PTBP3: variants seen among roughly 807,000 people sequenced by gnomAD.
PTBP3 encodes polypyrimidine tract binding protein 3.
A neutral mutation model predicts 58.7 loss-of-function variants in PTBP3; 20 were observed. That is an observed-to-expected ratio of 0.34 (90% CI 0.24 to 0.50). PTBP3 has a LOEUF of 0.50. Among genes scored for constraint, PTBP3 ranks in the 20% least tolerant of loss-of-function variants. PTBP3 has a pLI of 0.98. For missense variants in PTBP3, 509 were observed against 637.2 expected (o/e 0.80, Z 2.17); for synonymous variants, 185 against 219.8 (o/e 0.84, Z 1.40).
intron 7 of PTBP3, among the ~76,000 whole-genome samples, chr9:112,248,434 A>C (rs1835971592): frequency 6.6e-6 from 1 of 152,172 alleles, no homozygotes; most frequent in Non-Finnish European, 1.5e-5. Flanking sequence ...TACAGTGTAC[A>C]CTGCTTGGGT....
the PTBP3 span, among the ~76,000 whole-genome samples, chr9:112,358,206 A>C: frequency 6.6e-6 from 1 of 152,146 alleles, no homozygotes; most frequent in Non-Finnish European, 1.5e-5. Context: ...ACTACCCAGG[A>C]GGCTGAGGCA....
intron 7 of PTBP3, among the ~76,000 whole-genome samples, chr9:112,243,187 A>G (rs1158850896): frequency 6.6e-6 from 1 of 151,008 alleles, no homozygotes; most frequent in Non-Finnish European, 1.5e-5. Flanking sequence ...TTCTTTTCCC[A>G]TTTCTATATT....
At chr9:112,288,075 T>C (rs1376550882) in intron 2 of PTBP3, among the ~76,000 whole-genome samples, 1 of 152,234 alleles carries the variant, frequency 6.6e-6, no homozygotes, top group Non-Finnish European at 1.5e-5. Flanking sequence ...CATAAGTTAC[T>C]TTCAGATTAG....
chr9:112,366,929 G>C, the PTBP3 span, among the ~76,000 whole-genome samples: 1 of 152,222 alleles, frequency 6.6e-6, no homozygotes, highest in South Asian at 2.1e-4. Flanking sequence ...AGCTGCCCAG[G>C]ACTGTGGGAA....
the PTBP3 span, among the ~76,000 whole-genome samples, chr9:112,346,380 G>A: frequency 6.6e-6 from 1 of 150,804 alleles, no homozygotes; most frequent in East Asian, 2.0e-4. Flanking sequence ...TTGGCCAGGT[G>A]AGTCTCGAAC....
At chr9:112,297,536 C>T (rs1828742309) in intron 2 of PTBP3, among the ~76,000 whole-genome samples, 1 of 152,148 alleles carries the variant, frequency 6.6e-6, no homozygotes, top group South Asian at 2.1e-4. Flanking sequence ...AGCTCTTTTA[C>T]TCAATAGTTC....
intron 7 of PTBP3, among the ~76,000 whole-genome samples, chr9:112,243,606 ATGAC>A (rs1464341787): frequency 1.3e-5 from 2 of 152,328 alleles, no homozygotes; most frequent in Admixed American, 1.3e-4. Context: ...TGTAGATGAT[ATGAC>A]TATGTGTACT....
intron 1 of PTBP3, chr9:112,333,054 G>T (rs1250513850): frequency 3.2e-6 from 4 of 1,265,374 alleles, no homozygotes; most frequent in Non-Finnish European, 3.0e-6. Flanking sequence ...CCCCCGGCAG[G>T]AGGACGCCCG....
At chr9:112,307,135 T>C (rs1321029539) in intron 1 of PTBP3, among the ~76,000 whole-genome samples, 1 of 152,214 alleles carries the variant, frequency 6.6e-6, no homozygotes, top group Non-Finnish European at 1.5e-5. Flanking sequence ...TTTATTGTCT[T>C]ATTACACATC....
intron 5 of PTBP3, among the ~76,000 whole-genome samples, chr9:112,258,698 A>G (rs1479144973): frequency 6.6e-6 from 1 of 152,154 alleles, no homozygotes; most frequent in Non-Finnish European, 1.5e-5. Flanking sequence ...TCAATCCATC[A>G]GCAAATCTTT....
chr9:112,275,221 C>T (rs1221586108), intron 3 of PTBP3, among the ~76,000 whole-genome samples: 2 of 152,020 alleles, frequency 1.3e-5, no homozygotes, highest in Admixed American at 1.3e-4. Context: ...CTGCATCCTC[C>T]ACCTCCCAGG....
chr9:112,294,636 T>C (rs547170870), intron 2 of PTBP3, among the ~76,000 whole-genome samples: 1 of 152,242 alleles, frequency 6.6e-6, no homozygotes, highest in Non-Finnish European at 1.5e-5. Flanking sequence ...ACCACTGTTA[T>C]TCAACTCATT....
the PTBP3 span, among the ~76,000 whole-genome samples, chr9:112,376,198 CGTGT>C: frequency 4.6e-3 from 19 of 4,102 alleles, no homozygotes; most frequent in African/African-American, 0.017. Context: ...TCCTTATATA[CGTGT>C]GTGTGTGTGT....
At chr9:112,279,920 AT>A (rs1827784365) in intron 2 of PTBP3, among the ~76,000 whole-genome samples, 1 of 151,858 alleles carries the variant, frequency 6.6e-6, no homozygotes, top group African/African-American at 2.4e-5. Context: ...ACACTTTTAA[AT>A]TTTTTGTCAT....
At chr9:112,276,624 T>A (rs1827622620) in intron 2 of PTBP3, among the ~76,000 whole-genome samples, 1 of 152,226 alleles carries the variant, frequency 6.6e-6, no homozygotes, top group East Asian at 1.9e-4. Context: ...AATGGAAATT[T>A]CCAACCCCAC....
intron 2 of PTBP3, among the ~76,000 whole-genome samples, chr9:112,287,497 C>T (rs563378747): frequency 1.6e-4 from 25 of 151,898 alleles, no homozygotes; most frequent in African/African-American, 5.1e-4. Context: ...CACACCACCA[C>T]GCCCGGCTAA....
At chr9:112,270,987 C>T (rs928376885) in intron 3 of PTBP3, among the ~76,000 whole-genome samples, 5 of 152,040 alleles carry the variant, frequency 3.3e-5, no homozygotes, top group East Asian at 3.9e-4. Flanking sequence ...CCACCACACC[C>T]GGCTTATTTT....
At chr9:112,240,710 C>T (rs1264157921) in intron 7 of PTBP3, among the ~76,000 whole-genome samples, 1 of 150,410 alleles carries the variant, frequency 6.6e-6, no homozygotes, top group Non-Finnish European at 1.5e-5. Context: ...AGGAGGTATT[C>T]CATAAGAAAG....
intron 1 of PTBP3, among the ~76,000 whole-genome samples, chr9:112,317,999 C>T (rs547688023): frequency 4.6e-5 from 7 of 152,112 alleles, no homozygotes; most frequent in Non-Finnish European, 1.0e-4. Context: ...TAAATCCCAA[C>T]AACTTAGTTG....
Sources: gnomAD v4.1 joint callset for allele counts (sites outside exome capture counted in the v4.1 genomes callset) on GRCh38, gnomAD v4.1.1 for gene constraint, MANE v1.5 for transcripts, NCBI Gene and HGNC (gene_info 2026-07-23, HGNC 2026-07-21) for gene names.